Variants in GSTCD observed in about 807,000 individuals in gnomAD.
GSTCD encodes the protein glutathione S-transferase C-terminal domain-containing protein.
A neutral mutation model predicts 68.3 loss-of-function variants in GSTCD; 44 were observed. That is an observed-to-expected ratio of 0.64 (90% confidence interval 0.51 to 0.83). The LOEUF (loss-of-function observed/expected upper bound fraction) is 0.83. Ranked by LOEUF, GSTCD falls within the 40% of genes least tolerant of loss-of-function variation. The pLI is 0.00. For missense variants in GSTCD, 739 were observed against 735.9 expected (o/e 1.00, Z -0.05); for synonymous variants, 273 against 255.2 (o/e 1.07, Z -0.67).
intron 8 of GSTCD, among the ~76,000 whole-genome samples, chr4:105,831,106 C>T (rs1723874921): frequency 6.6e-6 from 1 of 152,000 alleles, no homozygotes; most frequent in Admixed American, 6.6e-5. Context: ...AATTGCATAC[C>T]TTTTAGCATT....
rs1357275686 is a variant in GSTCD at position 105,717,926 on chromosome 4, C to CT, written c.315dup (p.Ala106CysfsTer13). ...ATCAGACAATTTTTGTAGAGCAGGA[C>CT]TTGCTGTTGTATTGAGACACATAAT... is the stretch of plus-strand genomic sequence containing the variant. On this transcript the variant is annotated frameshift_variant, in exon 2 of 12. Coordinates refer to ENST00000515279, the MANE Select transcript of GSTCD (RefSeq NM_001370181.1). LOFTEE classifies it high-confidence loss of function. 1 of 1,614,086 alleles carries CT rather than the reference C, an allele frequency of 6.2e-7. No individual in the cohort carries two copies. Among genetic ancestry groups the CT allele is most frequent in the Non-Finnish European group, 8.5e-7 (1 of 1,179,980 alleles).
At chr4:105,753,037 A>G (rs2149228753) in intron 5 of GSTCD, among the ~76,000 whole-genome samples, 1 of 152,162 alleles carries the variant, frequency 6.6e-6, no homozygotes, top group East Asian at 1.9e-4. Context: ...TTAGGGTAGA[A>G]ATATGTACCC....
chr4:105,731,113 A>G (rs1004863646), intron 5 of GSTCD, among the ~76,000 whole-genome samples: 14 of 152,174 alleles, frequency 9.2e-5, no homozygotes, highest in African/African-American at 2.9e-4. Flanking sequence ...TACCAGTACC[A>G]TGCTGTTTTG....
At chr4:105,776,678 C>G (rs1735080175) in intron 5 of GSTCD, among the ~76,000 whole-genome samples, 1 of 152,144 alleles carries the variant, frequency 6.6e-6, no homozygotes, top group African/African-American at 2.4e-5. Flanking sequence ...CACTGTCTAA[C>G]CAGTCCCAAT....
intron 5 of GSTCD, among the ~76,000 whole-genome samples, chr4:105,819,650 ATCAGACC>A (rs1166682110): frequency 3.3e-5 from 5 of 151,764 alleles, no homozygotes; most frequent in Non-Finnish European, 1.5e-5. Flanking sequence ...AATGCTGTTA[ATCAGACC>A]TCTTTTGAAA....
intron 5 of GSTCD, among the ~76,000 whole-genome samples, chr4:105,746,581 CTT>C (rs1222189467): frequency 6.6e-6 from 1 of 152,088 alleles, no homozygotes; most frequent in East Asian, 1.9e-4. Context: ...TATTCTAACT[CTT>C]TGTGTAGATC....
At position 105,726,799 on chromosome 4, in the gene GSTCD, G is replaced by C; in HGVS notation, c.1115G>C (p.Gly372Ala). The C allele has an allele frequency of 6.2e-7, 1 of 1,613,090 alleles. No individual in the cohort carries two copies. The highest frequency in any genetic ancestry group is 2.2e-5 in the East Asian group (1 of 44,822). ...GAGCAAAGCGATCCTTTATTTATAGGAGGACCAAGACCAACCATGGCCAAG... is the reference window on the plus strand; with the variant it reads ...GAGCAAAGCGATCCTTTATTTATAGCAGGACCAAGACCAACCATGGCCAAG... ...VEEQSDPLFI[G>A]GPRPTMAKLM... Residue 372 changes from glycine to alanine, a missense_variant, in exon 4 of 12, where the codon GGA (glycine) becomes GCA (alanine). Physicochemically the swap from Gly to Ala is moderately conservative, Grantham distance 60 (BLOSUM62 0). Transcript: ENST00000515279.
Position 105,717,890 on chromosome 4 carries a change from G to A in GSTCD, c.277G>A (p.Val93Ile). ...PIVQNCCLPA[V>I]VERSDNFCRA... ...AGTCCAAAATTGCTGTTTGCCTGCA[G>A]TAGTAGAACGATCAGACAATTTTTG... Residue 93 changes from valine to isoleucine, a missense_variant, in exon 2 of 12, where the codon GTA (valine) becomes ATA (isoleucine). By Grantham distance (29) the Val-to-Ile change is conservative. Transcript: ENST00000515279. 1 of 1,614,150 alleles carries A rather than the reference G, an allele frequency of 6.2e-7. No individual in the cohort carries two copies. Among genetic ancestry groups the A allele is most frequent in the Non-Finnish European group, 8.5e-7 (1 of 1,180,016 alleles).
Position 105,726,738 on chromosome 4 carries a change from C to T in GSTCD, c.1054C>T (p.Gln352Ter). ...AAAGTTGTTGACAACCTCAACTGAACAGCATCCAAACTTATGTGAAGTCCC... is the reference window on the plus strand; with the variant it reads ...AAAGTTGTTGACAACCTCAACTGAATAGCATCCAAACTTATGTGAAGTCCC... ...LPKLLTTSTE[Q>*]HPNLCEVPGV... is the part of the protein sequence containing the mutation. The change falls in exon 4 of 12, where the codon CAG becomes TAG. Residue 352 changes from glutamine to a stop codon, truncating the protein, a stop_gained. Coordinates refer to ENST00000515279, the MANE Select transcript of GSTCD (RefSeq NM_001370181.1). LOFTEE classifies it high-confidence loss of function. 1 of 1,613,846 alleles carries T rather than the reference C, an allele frequency of 6.2e-7. No homozygotes were observed.
At chr4:105,775,868 T>G (rs1350777740) in intron 5 of GSTCD, among the ~76,000 whole-genome samples, 1 of 152,212 alleles carries the variant, frequency 6.6e-6, no homozygotes, top group Non-Finnish European at 1.5e-5. Context: ...TCAGCAGAGC[T>G]TGAGTGCTGT....
At position 105,729,430 on chromosome 4, in the gene GSTCD, T is replaced by C; in HGVS notation, c.1171T>C (p.Ser391Pro). The C allele has an allele frequency of 6.2e-7, 1 of 1,610,354 alleles. No individual in the cohort carries two copies. The highest frequency in any genetic ancestry group is 8.5e-7 in the Non-Finnish European group (1 of 1,177,636). Reference protein sequence around the residue: ...LMEKGIEVMFSPHPCPTWTLD... With the variant: ...LMEKGIEVMFPPHPCPTWTLD... ...GGAAAAGGGCATTGAAGTGATGTTT[T>C]CTCCCCACCCTTGCCCTACTTGGAC... The change falls in exon 5 of 12, where the codon TCT (serine) becomes CCT (proline). Residue 391 changes from serine to proline, a missense_variant. Physicochemically the swap from Ser to Pro is moderately conservative, Grantham distance 74. Coordinates refer to ENST00000515279, the MANE Select transcript of GSTCD (RefSeq NM_001370181.1).
intron 5 of GSTCD, among the ~76,000 whole-genome samples, chr4:105,769,384 C>A (rs1000101240): frequency 6.6e-6 from 1 of 152,150 alleles, no homozygotes; most frequent in Admixed American, 6.5e-5. Flanking sequence ...AGCTAGTAAA[C>A]CATGGATAAA....
intron 5 of GSTCD, among the ~76,000 whole-genome samples, chr4:105,750,230 G>A (rs1261583008): frequency 2.6e-5 from 4 of 152,116 alleles, no homozygotes; most frequent in Non-Finnish European, 5.9e-5. Context: ...TTGAGAGGCC[G>A]AGGCGGGCGG....
At chr4:105,735,393 C>T (rs561958981) in intron 5 of GSTCD, among the ~76,000 whole-genome samples, 3 of 152,330 alleles carry the variant, frequency 2.0e-5, no homozygotes, top group South Asian at 4.1e-4. Flanking sequence ...CCTTCCCCAG[C>T]CTCGCTGCTG....
chr4:105,721,579 C>A (rs1240428875), intron 3 of GSTCD, among the ~76,000 whole-genome samples: 2 of 151,886 alleles, frequency 1.3e-5, no homozygotes, highest in South Asian at 2.1e-4. Context: ...AGGGAAAATA[C>A]CCAGTTCTGC....
At chr4:105,760,824 C>T (rs1293562588) in intron 5 of GSTCD, among the ~76,000 whole-genome samples, 1 of 152,042 alleles carries the variant, frequency 6.6e-6, no homozygotes, top group Non-Finnish European at 1.5e-5. Context: ...CACTGAGAAG[C>T]TTTAATGTTA....
intron 3 of GSTCD, among the ~76,000 whole-genome samples, chr4:105,723,167 T>C (rs147834402): frequency 6.6e-6 from 1 of 152,116 alleles, no homozygotes; most frequent in East Asian, 1.9e-4. Context: ...AGAAAATTTC[T>C]TGTGTGATTA....
intron 5 of GSTCD, among the ~76,000 whole-genome samples, chr4:105,742,587 G>T (rs948145111): frequency 2.0e-5 from 3 of 152,136 alleles, no homozygotes. Context: ...AATATGGAAA[G>T]CAATTAGCAC....
intron 5 of GSTCD, among the ~76,000 whole-genome samples, chr4:105,770,165 A>G (rs1445301533): frequency 6.6e-6 from 1 of 152,204 alleles, no homozygotes; most frequent in African/African-American, 2.4e-5. Flanking sequence ...TTAACCACAT[A>G]GCGGCAAACT....
Sources: allele counts gnomAD v4.1 joint callset (sites outside exome capture counted in the v4.1 genomes callset), GRCh38; gene constraint gnomAD v4.1.1; transcripts MANE v1.5; gene names NCBI Gene and HGNC (gene_info 2026-07-23, HGNC 2026-07-21).